Variants in PTPRM observed in about 807,000 individuals in gnomAD.
PTPRM encodes the protein protein tyrosine phosphatase receptor type M, also known as receptor-type tyrosine-protein phosphatase mu.
Under a neutral mutation model 186.7 loss-of-function variants are expected in PTPRM, and 47 were observed. That is an observed-to-expected ratio of 0.25 (90% CI 0.20 to 0.32). The LOEUF (loss-of-function observed/expected upper bound fraction) is 0.32. PTPRM is among the 10% of genes least tolerant of loss of function. The pLI is 1.00. For missense variants in PTPRM, 1,494 were observed against 1,865.0 expected (o/e 0.80, Z 3.66); for synonymous variants, 668 against 674.9 (o/e 0.99, Z 0.16).
intron 23 of PTPRM, among the ~76,000 whole-genome samples, chr18:8,346,034 T>G (rs2095503068): frequency 6.6e-6 from 1 of 152,226 alleles, no homozygotes; most frequent in Non-Finnish European, 1.5e-5. Flanking sequence ...GAGCAATATT[T>G]TATATACTAA....
chr18:7,731,822 G>A (rs2040664830), intron 1 of PTPRM, among the ~76,000 whole-genome samples: 1 of 152,164 alleles, frequency 6.6e-6, no homozygotes, highest in Non-Finnish European at 1.5e-5. Context: ...GTAAGGGAAA[G>A]GAGATCACTC....
intron 1 of PTPRM, among the ~76,000 whole-genome samples, chr18:7,656,196 G>T (rs1019509293): frequency 1.3e-5 from 2 of 152,216 alleles, no homozygotes; most frequent in African/African-American, 4.8e-5. Flanking sequence ...ATCAGTGAAT[G>T]AAAGGGATAA....
chr18:8,122,003 C>G (rs1183278787), intron 13 of PTPRM: 1 of 151,974 alleles, frequency 6.6e-6, no homozygotes, highest in Non-Finnish European at 1.5e-5. Context: ...CCAAACCTTG[C>G]AACTGTGTCA....
At chr18:8,050,121 T>C (rs953763552) in intron 7 of PTPRM, among the ~76,000 whole-genome samples, 1 of 152,234 alleles carries the variant, frequency 6.6e-6, no homozygotes, top group Non-Finnish European at 1.5e-5. Context: ...AAAAGGTGGC[T>C]GCCACTGTAT....
intron 14 of PTPRM, among the ~76,000 whole-genome samples, chr18:8,225,280 T>G (rs1403440650): frequency 6.6e-6 from 1 of 152,252 alleles, no homozygotes; most frequent in Non-Finnish European, 1.5e-5. Flanking sequence ...AGTGTCATTA[T>G]CAGTGATTTT....
chr18:7,962,839 T>C (rs1451741909), intron 7 of PTPRM, among the ~76,000 whole-genome samples: 1 of 152,276 alleles, frequency 6.6e-6, no homozygotes, highest in African/African-American at 2.4e-5. Context: ...TACAGAATTA[T>C]CACTGGCATT....
intron 2 of PTPRM, among the ~76,000 whole-genome samples, chr18:7,867,073 T>A (rs2047743761): frequency 1.3e-5 from 2 of 152,210 alleles, no homozygotes; most frequent in Admixed American, 1.3e-4. Context: ...CATCCCTTTA[T>A]TTTGAGCCTA....
chr18:7,619,104 T>C (rs1041593433), intron 1 of PTPRM, among the ~76,000 whole-genome samples: 42 of 152,332 alleles, frequency 2.8e-4, no homozygotes, highest in Admixed American at 1.3e-4. Context: ...ATAGCCTCTT[T>C]AGCCACTTGA....
chr18:7,841,713 GTT>G (rs2046335390), intron 2 of PTPRM, among the ~76,000 whole-genome samples: 1 of 152,194 alleles, frequency 6.6e-6, no homozygotes, highest in Non-Finnish European at 1.5e-5. Flanking sequence ...AAACTAGTCA[GTT>G]AACTAGAAAA....
At chr18:8,144,238 C>T (rs2092829053) in intron 14 of PTPRM, among the ~76,000 whole-genome samples, 1 of 152,170 alleles carries the variant, frequency 6.6e-6, no homozygotes, top group East Asian at 1.9e-4. Context: ...ATCAGCACAA[C>T]ATCCATGAGA....
intron 14 of PTPRM, among the ~76,000 whole-genome samples, chr18:8,152,141 T>C (rs2093023759): frequency 6.6e-6 from 1 of 152,152 alleles, no homozygotes; most frequent in African/African-American, 2.4e-5. Context: ...CATTTTAAGT[T>C]CAATACTCCT....
At chr18:8,248,279 T>C in intron 17 of PTPRM, 103 bp downstream of exon 17, 1 of 1,125,028 alleles carries the variant, frequency 8.9e-7, no homozygotes, top group Admixed American at 1.7e-5. Flanking sequence ...AATGCAGTGA[T>C]TATAAGCACG....
chr18:7,832,722 T>C (rs987174227), intron 2 of PTPRM, among the ~76,000 whole-genome samples: 4 of 152,194 alleles, frequency 2.6e-5, no homozygotes, highest in African/African-American at 9.7e-5. Flanking sequence ...GCTCTTCTGA[T>C]GTTTTATTGT....
At chr18:7,678,317 A>G (rs2039397228) in intron 1 of PTPRM, among the ~76,000 whole-genome samples, 2 of 152,140 alleles carry the variant, frequency 1.3e-5, no homozygotes, top group Admixed American at 1.3e-4. Flanking sequence ...TCTCCAGCTA[A>G]TGTTTCAAAG....
At chr18:7,897,507 A>C (rs949217611) in intron 3 of PTPRM, among the ~76,000 whole-genome samples, 1 of 152,174 alleles carries the variant, frequency 6.6e-6, no homozygotes, top group Non-Finnish European at 1.5e-5. Context: ...TAAAAAAGAC[A>C]ATATGTCTCA....
intron 2 of PTPRM, among the ~76,000 whole-genome samples, chr18:7,873,637 G>A (rs1227545934): frequency 6.6e-6 from 1 of 152,150 alleles, no homozygotes; most frequent in African/African-American, 2.4e-5. Flanking sequence ...AAGTCAAGAT[G>A]ATTGCTTGTG....
At chr18:7,790,402 C>G (rs1356791904) in intron 2 of PTPRM, among the ~76,000 whole-genome samples, 2 of 152,156 alleles carry the variant, frequency 1.3e-5, no homozygotes, top group African/African-American at 4.8e-5. Flanking sequence ...TCCCAGAGGT[C>G]AGATGCTTTT....
At chr18:7,911,633 C>T (rs1294285210) in intron 4 of PTPRM, among the ~76,000 whole-genome samples, 2 of 152,054 alleles carry the variant, frequency 1.3e-5, no homozygotes, top group African/African-American at 4.8e-5. Flanking sequence ...CCTTATCAGA[C>T]ATATGATTCA....
chr18:8,088,170 C>G (rs2090528300), intron 10 of PTPRM, among the ~76,000 whole-genome samples: 1 of 152,112 alleles, frequency 6.6e-6, no homozygotes, highest in Non-Finnish European at 1.5e-5. Flanking sequence ...CAAACCCAAG[C>G]CTTTCTTATT....
Sources: gnomAD v4.1 joint callset for allele counts (sites outside exome capture counted in the v4.1 genomes callset) on GRCh38, gnomAD v4.1.1 for gene constraint, MANE v1.5 for transcripts, NCBI Gene and HGNC (gene_info 2026-07-23, HGNC 2026-07-21) for gene names.